CWC27: variants seen among roughly 807,000 people sequenced by gnomAD.
The protein encoded by CWC27 is CWC27 spliceosome associated cyclophilin.
In CWC27, 47 loss-of-function variants were observed where a neutral mutation model predicts 63.6. The observed-to-expected ratio is 0.74, with a 90% CI of 0.58 to 0.94. CWC27 has a LOEUF of 0.94. Among genes scored for constraint, CWC27 ranks in the 40% least tolerant of loss-of-function variants. The probability of loss-of-function intolerance (pLI) is 0.00; values close to 1 mark genes in which losing one functional copy is unlikely to be tolerated. For missense variants in CWC27, 495 were observed against 554.3 expected, an observed-to-expected ratio of 0.89 and a Z score of 1.07; for synonymous variants, 175 against 179.8, an observed-to-expected ratio of 0.97 and a Z score of 0.22.
chr5:64,954,008 T>A (rs549645982), intron 11 of CWC27, among the ~76,000 whole-genome samples: 4 of 152,310 alleles, frequency 2.6e-5, no homozygotes, highest in East Asian at 1.9e-4. Flanking sequence ...CCTTTTTTTT[T>A]AAAACAAAAG....
intron 10 of CWC27, among the ~76,000 whole-genome samples, chr5:64,855,968 AAAT>A (rs1183579243): frequency 6.6e-6 from 1 of 152,146 alleles, no homozygotes; most frequent in Non-Finnish European, 1.5e-5. Flanking sequence ...AGTCAAACAT[AAAT>A]TCAGCTATCA....
At chr5:64,874,093 A>T (rs964461897) in intron 10 of CWC27, among the ~76,000 whole-genome samples, 2 of 149,998 alleles carry the variant, frequency 1.3e-5, no homozygotes, top group African/African-American at 4.9e-5. Context: ...AGGTTATTTC[A>T]AAAGATCTGT....
chr5:64,794,770 T>G (rs1416111194), intron 7 of CWC27, among the ~76,000 whole-genome samples: 1 of 152,182 alleles, frequency 6.6e-6, no homozygotes, highest in Non-Finnish European at 1.5e-5. Context: ...AAACAATGCT[T>G]TTATTTGAAT....
intron 11 of CWC27, among the ~76,000 whole-genome samples, chr5:64,925,024 A>G (rs1236751637): frequency 6.6e-6 from 1 of 152,144 alleles, no homozygotes; most frequent in African/African-American, 2.4e-5. Flanking sequence ...GTAGTTAGCA[A>G]CATGGGCTTG....
At chr5:64,942,686 A>G (rs1396209834) in intron 11 of CWC27, among the ~76,000 whole-genome samples, 2 of 152,134 alleles carry the variant, frequency 1.3e-5, no homozygotes, top group Non-Finnish European at 2.9e-5. Context: ...TTTTGCTTGT[A>G]ACGAGTAAGG....
chr5:64,926,917 C>T (rs1748125586), intron 11 of CWC27, among the ~76,000 whole-genome samples: 1 of 152,124 alleles, frequency 6.6e-6, no homozygotes, highest in South Asian at 2.1e-4. Flanking sequence ...AACTTCAATT[C>T]AGTTTGTTCT....
At chr5:64,837,302 A>G (rs369541653) in intron 10 of CWC27, among the ~76,000 whole-genome samples, 2 of 152,112 alleles carry the variant, frequency 1.3e-5, no homozygotes, top group Admixed American at 6.6e-5. Context: ...TGTAATCTTT[A>G]TCATATGTAA....
intron 13 of CWC27, among the ~76,000 whole-genome samples, chr5:64,984,227 A>G (rs187604031): frequency 1.3e-5 from 2 of 152,284 alleles, no homozygotes; most frequent in Non-Finnish European, 2.9e-5. Context: ...ACTTGACTCT[A>G]TGGGGTAGGT....
chr5:64,804,163 A>T (rs1744578765), intron 9 of CWC27, 66 bp from the exon 10 acceptor site: 1 of 1,432,056 alleles, frequency 7.0e-7, no homozygotes, highest in Admixed American at 2.1e-5. Flanking sequence ...CAGTGGATGC[A>T]ATAGATCTCT....
intron 11 of CWC27, among the ~76,000 whole-genome samples, chr5:64,900,421 A>G (rs1490739666): frequency 6.6e-6 from 1 of 152,186 alleles, no homozygotes; most frequent in African/African-American, 2.4e-5. Flanking sequence ...GTTATTTACT[A>G]TTGAATTTTT....
At chr5:64,821,206 T>C (rs1745188200) in intron 10 of CWC27, among the ~76,000 whole-genome samples, 2 of 151,054 alleles carry the variant, frequency 1.3e-5, no homozygotes, top group Admixed American at 1.3e-4. Flanking sequence ...TGCCTCAGCC[T>C]CCCAAGTAGC....
At chr5:64,868,389 T>G (rs183408171) in intron 10 of CWC27, among the ~76,000 whole-genome samples, 9 of 152,234 alleles carry the variant, frequency 5.9e-5, no homozygotes, top group South Asian at 2.1e-4. Context: ...ATATTGAAGT[T>G]TGATCAAATG....
chr5:64,802,029 C>T (rs1192244483), intron 9 of CWC27, among the ~76,000 whole-genome samples: 1 of 152,068 alleles, frequency 6.6e-6, no homozygotes, highest in Admixed American at 6.6e-5. Context: ...GAATATCTGA[C>T]CTTGTCAAGA....
rs10940011 is a variant in CWC27, at chr5:64,878,521, T to C, written c.939-6922T>C. On this transcript the variant is annotated intron_variant, in intron 10 of 13. Transcript: ENST00000381070. ...AAAAAGCACCTGTTAGTGTGCCTAC[T>C]CATATTAATCCTAAATCTTTGCATC... 2.7e-3 allele frequency among the ~76,000 whole-genome samples: 330 copies of C among 121,908 alleles called. 2 individuals carry two copies. The East Asian group carries it at 0.075, about 28-fold the overall frequency. The allele number at this position is 121,908 out of a possible 152,430, so 80.0% of individuals were successfully genotyped here. A position where few individuals can be genotyped will look rare whatever the true frequency, so the allele number is the denominator to read the frequency against.
chr5:64,862,333 G>C (rs1258230490), intron 10 of CWC27, among the ~76,000 whole-genome samples: 1 of 151,182 alleles, frequency 6.6e-6, no homozygotes, highest in Non-Finnish European at 1.5e-5. Context: ...AATAATTTAG[G>C]CATATCAGGA....
At chr5:65,013,086 T>G (rs543137979) in intron 13 of CWC27, among the ~76,000 whole-genome samples, 65 of 152,294 alleles carry the variant, frequency 4.3e-4, no homozygotes, top group African/African-American at 1.4e-3. Context: ...GGGGCCCTTC[T>G]CTCTAGTTCT....
chr5:64,906,170 T>G, intron 11 of CWC27, among the ~76,000 whole-genome samples: 1 of 152,210 alleles, frequency 6.6e-6, no homozygotes, highest in East Asian at 1.9e-4. Flanking sequence ...AGTAGCATGA[T>G]TTATAATCCT....
At chr5:64,968,686 A>G (rs1225563718) in intron 11 of CWC27, among the ~76,000 whole-genome samples, 1 of 152,188 alleles carries the variant, frequency 6.6e-6, no homozygotes, top group Non-Finnish European at 1.5e-5. Flanking sequence ...TCATTGCCAG[A>G]AAAAGAAAAC....
Position 64,865,123 on chromosome 5 carries a change from TAA to T in CWC27, c.939-20308_939-20307del, listed in dbSNP as rs5868390. On this transcript the variant is annotated intron_variant, in intron 10 of 13. Transcript: ENST00000381070. ...ATACAGTGCAACATGCTAAGGGCAT[TAA>T]AAAAAAAAAAACTTGGGGTAACAGC... 5.0e-3 allele frequency among the ~76,000 whole-genome samples: 741 copies of T among 148,208 alleles called. 7 individuals carry two copies. The highest frequency in any genetic ancestry group is 0.016 in the African/African-American group (628 of 40,502).
Sources: allele counts gnomAD v4.1 joint callset (sites outside exome capture counted in the v4.1 genomes callset), GRCh38; gene constraint gnomAD v4.1.1; transcripts MANE v1.5; gene names NCBI Gene and HGNC (gene_info 2026-07-23, HGNC 2026-07-21).